The following IGSF11 variants were observed in gnomAD, a reference collection of about 807,000 sequenced individuals.
IGSF11 encodes CXADR like 1.
In IGSF11, 22 loss-of-function variants were observed where a neutral mutation model predicts 41.0. The observed-to-expected ratio is 0.54, with a 90% confidence interval of 0.38 to 0.77. The LOEUF (loss-of-function observed/expected upper bound fraction) is 0.77, where lower values mean the gene tolerates loss of function less well. Ranked by LOEUF, IGSF11 falls within the 30% of genes least tolerant of loss-of-function variation. The pLI is 0.00. For missense variants in IGSF11, 444 were observed against 530.8 expected (o/e 0.84, Z 1.61); for synonymous variants, 219 against 201.3 (o/e 1.09, Z -0.74).
chr3:118,974,804 T>C (rs1933879032), intron 1 of IGSF11, among the ~76,000 whole-genome samples: 1 of 152,202 alleles, frequency 6.6e-6, no homozygotes, highest in Admixed American at 6.6e-5. Flanking sequence ...CTTTCTCTTA[T>C]CATTTTCTTT....
At chr3:119,060,263 A>C (rs938554737) in intron 1 of IGSF11, among the ~76,000 whole-genome samples, 14 of 152,196 alleles carry the variant, frequency 9.2e-5, no homozygotes, top group Non-Finnish European at 1.8e-4. Context: ...AGAGATATTG[A>C]TTAACTTATA....
intron 1 of IGSF11, among the ~76,000 whole-genome samples, chr3:119,101,999 A>G (rs1225969909): frequency 6.6e-6 from 1 of 152,232 alleles, no homozygotes; most frequent in Admixed American, 6.5e-5. Context: ...CTAATTATAA[A>G]AAGTGCTTAC....
At chr3:119,055,637 G>T (rs1376618984) in intron 1 of IGSF11, among the ~76,000 whole-genome samples, 1 of 152,194 alleles carries the variant, frequency 6.6e-6, no homozygotes, top group Admixed American at 6.5e-5. Context: ...GACATCTACA[G>T]AACTCTCCAC....
At chr3:118,979,503 A>C (rs974787621) in intron 1 of IGSF11, among the ~76,000 whole-genome samples, 1 of 152,162 alleles carries the variant, frequency 6.6e-6, no homozygotes, top group Non-Finnish European at 1.5e-5. Context: ...CTAGAACACT[A>C]TCTCTCACCA....
intron 1 of IGSF11, among the ~76,000 whole-genome samples, chr3:119,015,431 G>T (rs1938578388): frequency 6.6e-6 from 1 of 152,060 alleles, no homozygotes; most frequent in Non-Finnish European, 1.5e-5. Context: ...TAAACCTGGA[G>T]GACACGAACT....
chr3:119,077,282 G>T lies in IGSF11; in HGVS notation c.49+27862C>A, dbSNP rs560122498. On this transcript the variant is annotated intron_variant, in intron 1 of 6. Coordinates refer to the IGSF11 transcript ENST00000354673. ...AGGGCCTGTTGTGGGGTGGGGGAAG[G>T]GGGGAGGGAAAGCATTAGGAGATAT... Among the ~76,000 whole-genome samples, 180 of 152,122 alleles carry T rather than the reference G, an allele frequency of 1.2e-3. 1 individual carries two copies. The highest frequency in any genetic ancestry group is 4.2e-3 in the African/African-American group (173 of 41,502).
chr3:119,033,138 A>G (rs2107737686), intron 1 of IGSF11, among the ~76,000 whole-genome samples: 1 of 152,360 alleles, frequency 6.6e-6, no homozygotes, highest in South Asian at 2.1e-4. Flanking sequence ...ATTCAAAAAC[A>G]AACTATACAC....
chr3:119,110,012 A>C (rs1576811609), upstream of IGSF11, among the ~76,000 whole-genome samples: 1 of 152,162 alleles, frequency 6.6e-6, no homozygotes, highest in South Asian at 2.1e-4. Context: ...ACTTCCAACT[A>C]TGTGGTCAAT....
intron 1 of IGSF11, among the ~76,000 whole-genome samples, chr3:119,068,444 G>GCA (rs1175922585): frequency 2.0e-5 from 3 of 152,160 alleles, no homozygotes; most frequent in Admixed American, 2.0e-4. Flanking sequence ...ACTTCTTTTA[G>GCA]CTTCTTTCTT....
At chr3:118,935,108 A>G (rs1943140738) in intron 1 of IGSF11, among the ~76,000 whole-genome samples, 1 of 151,712 alleles carries the variant, frequency 6.6e-6, no homozygotes, top group African/African-American at 2.4e-5. Flanking sequence ...TTGCGATTAT[A>G]TAACAAATCC....
intron 1 of IGSF11, among the ~76,000 whole-genome samples, chr3:119,088,534 G>A (rs1208440892): frequency 2.6e-5 from 4 of 151,948 alleles, no homozygotes; most frequent in East Asian, 1.9e-4. Flanking sequence ...AAAACAAAAA[G>A]AGAGAAAAAT....
At chr3:118,913,924 T>C (rs576252340) in intron 4 of IGSF11, among the ~76,000 whole-genome samples, 1 of 152,082 alleles carries the variant, frequency 6.6e-6, no homozygotes, top group Non-Finnish European at 1.5e-5. Flanking sequence ...TATGGTGGAC[T>C]GAATGAAAAG....
At chr3:119,105,797 G>C (rs1431158850), upstream of IGSF11, among the ~76,000 whole-genome samples, 1 of 152,096 alleles carries the variant, frequency 6.6e-6, no homozygotes, top group East Asian at 1.9e-4. Flanking sequence ...TCTCAGCCTA[G>C]ATTCCTTTGG....
chr3:119,006,534 G>A (rs1002164951), intron 1 of IGSF11, among the ~76,000 whole-genome samples: 1 of 131,936 alleles, frequency 7.6e-6, no homozygotes, highest in East Asian at 2.2e-4. Context: ...GAGGAGGAGA[G>A]GCGCTCTGCA....
chr3:118,906,629 C>T (rs1465981156), intron 4 of IGSF11, among the ~76,000 whole-genome samples: 1 of 152,136 alleles, frequency 6.6e-6, no homozygotes, highest in African/African-American at 2.4e-5. Context: ...GGAGTTTGAA[C>T]AACAAATTTT....
chr3:119,029,938 A>T (rs1940242703), intron 1 of IGSF11, among the ~76,000 whole-genome samples: 1 of 152,202 alleles, frequency 6.6e-6, no homozygotes, highest in African/African-American at 2.4e-5. Context: ...CAAATCTATT[A>T]CACTTTAACC....
chr3:119,145,708 T>C (rs1403785499), intron 1 of IGSF11: 2 of 156,672 alleles, frequency 1.3e-5, no homozygotes, highest in Non-Finnish European at 2.8e-5. Context: ...GGGATGGCAA[T>C]AGCAACAACC....
rs191539361 is a variant in IGSF11, at chr3:118,988,055, G to C, written c.52+46476C>G. ...AACAAAGGTCTGAAGCAAAAGCAAG[G>C]GACAGAGTTCAGCTCAAGTCAACCA... On this transcript the variant is annotated intron_variant, in intron 1 of 6. Coordinates refer to ENST00000393775, the MANE Select transcript of IGSF11 (RefSeq NM_001015887.3). Among the ~76,000 whole-genome samples the C allele has an allele frequency of 2.9e-3, 436 of 152,236 alleles. 2 individuals are homozygous for C. Among genetic ancestry groups the C allele is most frequent in the Middle Eastern group, 0.02 (6 of 294 alleles).
Position 118,951,729 on chromosome 3 carries a change from T to C in IGSF11, c.53-21454A>G, listed in dbSNP as rs558306363. ...AAATGCTTAAGTCTCTTATATAAGA[T>C]GGTACAGCATTTGCATGTAACCTAC... On this transcript the variant is annotated intron_variant, in intron 1 of 6. Coordinates refer to ENST00000393775, the MANE Select transcript of IGSF11 (RefSeq NM_001015887.3). Among the ~76,000 whole-genome samples, 14 of 152,276 alleles carry C rather than the reference T, an allele frequency of 9.2e-5. No individual in the cohort carries two copies. The South Asian group carries it at 2.7e-3, about 29-fold the overall frequency.
Sources: allele counts gnomAD v4.1 joint callset (sites outside exome capture counted in the v4.1 genomes callset), GRCh38; gene constraint gnomAD v4.1.1; transcripts MANE v1.5; gene names NCBI Gene and HGNC (gene_info 2026-07-23, HGNC 2026-07-21).